The following PPARGC1B variants were observed in gnomAD, a reference collection of about 807,000 sequenced individuals.
PPARGC1B encodes PPARG coactivator 1 beta.
In PPARGC1B, 34 loss-of-function variants were observed where a neutral mutation model predicts 101.6. The observed-to-expected ratio is 0.33, with a 90% CI of 0.25 to 0.45. The LOEUF is 0.45. Ranked by LOEUF, PPARGC1B falls within the 20% of genes least tolerant of loss-of-function variation. PPARGC1B has a pLI of 1.00. For missense variants in PPARGC1B, 1,234 were observed against 1,317.6 expected, an observed-to-expected ratio of 0.94 and a Z score of 0.98; for synonymous variants, 548 against 539.3, an observed-to-expected ratio of 1.02 and a Z score of -0.22.
At chr5:149,802,080 A>G (rs1232007629) in intron 1 of PPARGC1B, among the ~76,000 whole-genome samples, 1 of 152,086 alleles carries the variant, frequency 6.6e-6, no homozygotes, top group Non-Finnish European at 1.5e-5. Flanking sequence ...CCTCTGGTTG[A>G]CGGTCCTCTG....
chr5:149,823,468 C>A (rs979639505), intron 2 of PPARGC1B, among the ~76,000 whole-genome samples: 3 of 152,162 alleles, frequency 2.0e-5, no homozygotes, highest in South Asian at 2.1e-4. Flanking sequence ...CAAAATGAAG[C>A]CTTTTCCCTC....
Position 149,836,337 on chromosome 5 carries a change from C to T in PPARGC1B, c.1882C>T (p.Leu628=), listed in dbSNP as rs976121510. Residue 628 remains leucine (L), a synonymous_variant, in exon 8 of 12, where the codon CTA becomes TTA. Coordinates refer to ENST00000309241, the MANE Select transcript of PPARGC1B (RefSeq NM_133263.4). ...CTTCAAACCAGACATCAAGCATAGTCTAGGCAAAGAAATAGCTCTCAGCCT... is the reference window on the plus strand; with the variant it reads ...CTTCAAACCAGACATCAAGCATAGTTTAGGCAAAGAAATAGCTCTCAGCCT... The part of the protein sequence containing the change: ...DPFKPDIKHS[L]GKEIALSLPS... 13 of 1,613,822 alleles carry T rather than the reference C, an allele frequency of 8.1e-6. No individual in the cohort carries two copies. The African/African-American group carries it at 1.5e-4, about 18-fold the overall frequency.
chr5:149,759,843 T>C (rs1390263404), intron 1 of PPARGC1B, among the ~76,000 whole-genome samples: 1 of 152,168 alleles, frequency 6.6e-6, no homozygotes, highest in African/African-American at 2.4e-5. Context: ...ACCCTGGATA[T>C]TGAGGCTCAG....
In PPARGC1B at chr5:149,845,755, C is replaced by A; in HGVS notation, c.2817-5C>A. 1.2e-6 allele frequency: 2 copies of A among 1,603,848 alleles called. No homozygotes were observed. The highest frequency in any genetic ancestry group is 1.1e-5 in the South Asian group (1 of 90,244). On this transcript the variant is annotated splice_polypyrimidine_tract_variant and splice_region_variant and intron_variant, in intron 10 of 11. Coordinates refer to ENST00000309241, the MANE Select transcript of PPARGC1B (RefSeq NM_133263.4). ...TAACATACTCTCCTTGCTCCCTCCC[C>A]GCAGAGGCGAGAAGTACGGCTTCAT...
intron 1 of PPARGC1B, among the ~76,000 whole-genome samples, chr5:149,792,388 G>A (rs1757053275): frequency 1.3e-5 from 2 of 152,124 alleles, no homozygotes; most frequent in Non-Finnish European, 2.9e-5. Context: ...GCTCCCCAGA[G>A]GCAAGAAGGG....
At chr5:149,783,825 G>A (rs1405429959) in intron 1 of PPARGC1B, among the ~76,000 whole-genome samples, 1 of 152,168 alleles carries the variant, frequency 6.6e-6, no homozygotes, top group Non-Finnish European at 1.5e-5. Flanking sequence ...TTGTGTGTGA[G>A]GCATTATATA....
At chr5:149,834,255 T>G (rs1211232108) in intron 5 of PPARGC1B, among the ~76,000 whole-genome samples, 1 of 152,244 alleles carries the variant, frequency 6.6e-6, no homozygotes, top group Non-Finnish European at 1.5e-5. Context: ...TTGTCCCTAT[T>G]GAGTCCTCAC....
At chr5:149,802,800 A>G (rs1319612558) in intron 1 of PPARGC1B, among the ~76,000 whole-genome samples, 1 of 152,142 alleles carries the variant, frequency 6.6e-6, no homozygotes, top group Non-Finnish European at 1.5e-5. Context: ...GAATCACCTG[A>G]GTATTTTGTT....
chr5:149,789,244 C>G (rs1756923833), intron 1 of PPARGC1B, among the ~76,000 whole-genome samples: 1 of 152,104 alleles, frequency 6.6e-6, no homozygotes. Context: ...TTTCAGCTCT[C>G]TTACTTTAGA....
chr5:149,839,732 T>C (rs996875740), intron 8 of PPARGC1B, among the ~76,000 whole-genome samples: 4 of 152,138 alleles, frequency 2.6e-5, no homozygotes, highest in African/African-American at 9.7e-5. Flanking sequence ...GCAAAAGGGC[T>C]TTTCTACCCC....
In PPARGC1B at chr5:149,833,865, A is replaced by G. The variant is rs1474574914; in HGVS notation, c.1705+87A>G. On this transcript the variant is annotated intron_variant, in intron 5 of 11. Transcript: ENST00000309241. The surrounding 1 kb of genome is among the most constrained non-coding windows in gnomAD (Gnocchi z 4.1). ...ACTGGGAGCCAGGAGCCCTGTGTTC[A>G]AGTCCCCGTCCCCCAACAAAGTGTT... 9.9e-6 allele frequency: 14 copies of G among 1,417,904 alleles called. No individual in the cohort carries two copies. Among genetic ancestry groups the G allele is most frequent in the Non-Finnish European group, 1.3e-5 (14 of 1,090,920 alleles). 87.8% of individuals were successfully genotyped at this position (1,417,904 alleles called of 1,614,324 possible). A position where few individuals can be genotyped will look rare whatever the true frequency, so the allele number is the denominator to read the frequency against.
At chr5:149,807,440 C>T (rs1757642839) in intron 1 of PPARGC1B, among the ~76,000 whole-genome samples, 2 of 152,272 alleles carry the variant, frequency 1.3e-5, no homozygotes, top group South Asian at 4.2e-4. Context: ...ACATGAGCAA[C>T]AGTCACCCTT....
chr5:149,778,098 CACACACACACACAG>C lies in PPARGC1B; in HGVS notation c.79-42333_79-42320del, dbSNP rs1487361627. Reference sequence around the variant, plus strand: ...ACACACACACACACACACACACACACACACACACACACAGAGTACCCAGCTGCTCACATTCCATG... The same window carrying C: ...ACACACACACACACACACACACACACAGTACCCAGCTGCTCACATTCCATG... On this transcript the variant is annotated intron_variant, in intron 1 of 11. Coordinates refer to ENST00000309241, the MANE Select transcript of PPARGC1B (RefSeq NM_133263.4). Among the ~76,000 whole-genome samples the C allele has an allele frequency of 1.7e-3, 220 of 130,920 alleles. 25 individuals are homozygous for C. The highest frequency in any genetic ancestry group is 5.4e-3 in the African/African-American group (188 of 34,802). The allele number at this position is 130,920 out of a possible 152,430, so 85.9% of individuals were successfully genotyped here.
intron 1 of PPARGC1B, among the ~76,000 whole-genome samples, chr5:149,740,945 CCCTTA>C (rs1384674116): frequency 6.6e-6 from 1 of 152,174 alleles, no homozygotes. Context: ...TTGCTTAATG[CCCTTA>C]CCTTGAAGGA....
At chr5:149,767,204 G>T (rs1388061859) in intron 1 of PPARGC1B, among the ~76,000 whole-genome samples, 1 of 152,210 alleles carries the variant, frequency 6.6e-6, no homozygotes, top group Non-Finnish European at 1.5e-5. Flanking sequence ...GGGGTGTTCG[G>T]TTCACAGTGG....
At chr5:149,845,970 G>A in intron 11 of PPARGC1B, 56 bp downstream of exon 11, 1 of 1,608,128 alleles carries the variant, frequency 6.2e-7, no homozygotes, top group Non-Finnish European at 8.5e-7. Context: ...GGGAAGCAGT[G>A]CCTTCCTTGA....
At chr5:149,750,902 A>G (rs1360275161) in intron 1 of PPARGC1B, among the ~76,000 whole-genome samples, 3 of 152,260 alleles carry the variant, frequency 2.0e-5, no homozygotes, top group Non-Finnish European at 4.4e-5. Context: ...ATCTGTGTAC[A>G]TCCATAGCTG....
intron 3 of PPARGC1B, among the ~76,000 whole-genome samples, chr5:149,829,641 AC>A (rs1758664547): frequency 1.3e-5 from 2 of 151,570 alleles, no homozygotes. Flanking sequence ...TACACTCTGT[AC>A]CTGCCCTCAG....
chr5:149,746,306 CT>C (rs1335099673), intron 1 of PPARGC1B, among the ~76,000 whole-genome samples: 1 of 152,174 alleles, frequency 6.6e-6, no homozygotes, highest in Non-Finnish European at 1.5e-5. Context: ...CTTTCTGTCT[CT>C]ATGATTTTGG....
Sources: gnomAD v4.1 joint callset for allele counts (sites outside exome capture counted in the v4.1 genomes callset) on GRCh38, gnomAD v4.1.1 for gene constraint, Gnocchi (gnomAD v3.1) non-coding constraint, MANE v1.5 for transcripts, NCBI Gene and HGNC (gene_info 2026-07-23, HGNC 2026-07-21) for gene names.